Variants in CDC123 observed in about 807,000 individuals in gnomAD.
CDC123 encodes translation initiation factor eIF2 assembly protein.
CDC123 carries 37 observed loss-of-function variants against 54.4 expected under a neutral mutation model. The ratio of observed to expected loss-of-function variants is 0.68; its 90% CI spans 0.52 to 0.89. CDC123 has a LOEUF of 0.89. Ranked by LOEUF, CDC123 falls within the 40% of genes least tolerant of loss-of-function variation. The pLI is 0.00. For missense variants in CDC123, 361 were observed against 412.1 expected, an observed-to-expected ratio of 0.88 and a Z score of 1.07; for synonymous variants, 144 against 136.8, an observed-to-expected ratio of 1.05 and a Z score of -0.37.
At position 12,200,190 on chromosome 10, in the gene CDC123, A is replaced by C. The variant is rs1485450696; in HGVS notation, c.146+1414A>C. ...CAGCCAGGCTGGAGTGCAGTGGCTC[A>C]ATCTCAGCTCACTGCAATCTCTGCC... On this transcript the variant is annotated intron_variant, in intron 2 of 12. Coordinates refer to ENST00000281141, the MANE Select transcript of CDC123 (RefSeq NM_006023.3). 3.0e-5 allele frequency among the ~76,000 whole-genome samples: 4 copies of C among 132,164 alleles called. No homozygotes were observed. The East Asian group carries it at 1.0e-3, about 34-fold the overall frequency. 86.7% of individuals were successfully genotyped at this position (132,164 alleles called of 152,430 possible). A position where few individuals can be genotyped will look rare whatever the true frequency, so the allele number is the denominator to read the frequency against.
intron 6 of CDC123, among the ~76,000 whole-genome samples, chr10:12,218,347 C>G (rs1016847796): frequency 3.4e-5 from 5 of 146,464 alleles, no homozygotes; most frequent in African/African-American, 7.6e-5. Flanking sequence ...TCAAGCGATT[C>G]TCTTGCCTCA....
At chr10:12,242,188 G>A (rs1232215115) in intron 10 of CDC123, among the ~76,000 whole-genome samples, 9 of 152,170 alleles carry the variant, frequency 5.9e-5, no homozygotes, top group African/African-American at 1.4e-4. Context: ...CGTGAGAGCC[G>A]TCGTTCTTGT....
rs548313141 is a variant in CDC123 at position 12,215,790 on chromosome 10, C to T, written c.288C>T (p.Ser96=). 1 of 1,612,566 alleles carries T rather than the reference C, an allele frequency of 6.2e-7. No homozygotes were observed. Among genetic ancestry groups the T allele is most frequent in the African/African-American group, 1.3e-5 (1 of 74,930 alleles). Residue 96 remains serine, a synonymous_variant, in exon 5 of 13, where the codon TCC becomes TCT. Transcript: ENST00000281141. ...CTAAAGTCCAGGAAGCTATCAATTCCCTCGGGGGCAGTGTCTTTCCTAAGC... is the reference window on the plus strand; with the variant it reads ...CTAAAGTCCAGGAAGCTATCAATTCTCTCGGGGGCAGTGTCTTTCCTAAGC... ...FATKVQEAIN[S]LGGSVFPKLN...
At chr10:12,245,177 G>A (rs1419452995) in intron 10 of CDC123, 1 of 152,254 alleles carries the variant, frequency 6.6e-6, no homozygotes, top group African/African-American at 2.4e-5. Context: ...GAGCACTGAA[G>A]GCTCCGGGAA....
intron 11 of CDC123, among the ~76,000 whole-genome samples, chr10:12,248,655 A>C (rs1054511568): frequency 2.6e-5 from 4 of 151,532 alleles, no homozygotes; most frequent in Non-Finnish European, 5.9e-5. Context: ...AAAGTAAAAA[A>C]ATTAGCCAGG....
chr10:12,245,614 A>C (rs1018061617), intron 10 of CDC123: 4 of 152,066 alleles, frequency 2.6e-5, no homozygotes, highest in African/African-American at 9.7e-5. Flanking sequence ...TTGGAACGTT[A>C]TCTCTTAGGC....
chr10:12,249,371 G>A (rs1836207015), intron 11 of CDC123, among the ~76,000 whole-genome samples: 1 of 152,130 alleles, frequency 6.6e-6, no homozygotes, highest in African/African-American at 2.4e-5. Flanking sequence ...CCAGGAGGTC[G>A]AGGCTGCAGT....
At chr10:12,227,202 G>A (rs917459001) in intron 6 of CDC123, among the ~76,000 whole-genome samples, 19 of 151,614 alleles carry the variant, frequency 1.3e-4, no homozygotes, top group Admixed American at 1.1e-3. Context: ...CCGAGATGGC[G>A]GCACTACAGT....
chr10:12,209,662 G>A (rs1256182691), intron 2 of CDC123, among the ~76,000 whole-genome samples: 2 of 152,152 alleles, frequency 1.3e-5, no homozygotes, highest in Admixed American at 1.3e-4. Flanking sequence ...CCATGTTCAA[G>A]TGATCAGTCC....
rs1836214331 is a variant in CDC123, at chr10:12,249,672, T to G, written c.938T>G (p.Leu313Arg). ...CGGCTACCCAAGGACTTTGTAGACCTCTCTACTGGGGAGGACGCTCACAAG... is the reference window on the plus strand; with the variant it reads ...CGGCTACCCAAGGACTTTGTAGACCGCTCTACTGGGGAGGACGCTCACAAG... Reference protein sequence around the residue: ...SYRLPKDFVDLSTGEDAHKLI... With the variant: ...SYRLPKDFVDRSTGEDAHKLI... The change falls in exon 12 of 13, where the codon CTC becomes CGC. Residue 313 changes from leucine to arginine, a missense_variant. Leu to Arg is a moderately radical substitution (Grantham distance 102). Coordinates refer to ENST00000281141, the MANE Select transcript of CDC123 (RefSeq NM_006023.3). 6.2e-7 allele frequency: 1 copy of G among 1,614,046 alleles called. No individual in the cohort carries two copies. The highest frequency in any genetic ancestry group is 8.5e-7 in the Non-Finnish European group (1 of 1,180,040).
rs1203116629 is a variant in CDC123, at chr10:12,246,248, G to A, written c.817G>A (p.Asp273Asn). ...ELISENNLNG[D>N]FSEVDAQEQD... ...GATATCTGAGAACAACTTAAACGGC[G>A]ATTTTAGTGAAGTTGACGCTCAAGA... The change falls in exon 11 of 13, where the codon GAT becomes AAT. Residue 273 changes from aspartate (D) to asparagine (N), a missense_variant. Physicochemically the swap from Asp to Asn is conservative, Grantham distance 23. Coordinates refer to ENST00000281141, the MANE Select transcript of CDC123 (RefSeq NM_006023.3). 9 of 1,614,010 alleles carry A rather than the reference G, an allele frequency of 5.6e-6. No individual in the cohort carries two copies. In the African/African-American group the frequency reaches 6.7e-5, roughly 12 times the overall value.
rs763125813 is a variant in CDC123, at chr10:12,215,793, C to G, written c.291C>G (p.Leu97=). 1 of 1,612,594 alleles carries G rather than the reference C, an allele frequency of 6.2e-7. No individual in the cohort carries two copies. The highest frequency in any genetic ancestry group is 1.7e-5 in the Admixed American group (1 of 59,688). The change falls in exon 5 of 13, where the codon CTC becomes CTG. Residue 97 remains leucine (L), a synonymous_variant. Coordinates refer to ENST00000281141, the MANE Select transcript of CDC123 (RefSeq NM_006023.3). ...AAGTCCAGGAAGCTATCAATTCCCT[C>G]GGGGGCAGTGTCTTTCCTAAGCTTA... ...ATKVQEAINS[L]GGSVFPKLNW...
At chr10:12,207,247 T>A (rs915116222) in intron 2 of CDC123, among the ~76,000 whole-genome samples, 1 of 152,102 alleles carries the variant, frequency 6.6e-6, no homozygotes, top group Middle Eastern at 3.2e-3. Context: ...TTCTACTTTG[T>A]AGGTAATTAT....
At chr10:12,197,892 T>C (rs1212723770) in intron 1 of CDC123, among the ~76,000 whole-genome samples, 2 of 152,154 alleles carry the variant, frequency 1.3e-5, no homozygotes, top group African/African-American at 2.4e-5. Flanking sequence ...AAAAAAAACT[T>C]CTTCCATAAA....
intron 1 of CDC123, 63 bp downstream of exon 1, chr10:12,196,382 CT>C (rs1290896777): frequency 6.2e-7 from 1 of 1,607,886 alleles, no homozygotes; most frequent in East Asian, 2.2e-5. Flanking sequence ...CTGAGCGAAT[CT>C]TACTGCTATC....
At chr10:12,198,566 C>T (rs745557481) in intron 1 of CDC123, 139 bp from the exon 2 acceptor site, 57 of 638,156 alleles carry the variant, frequency 8.9e-5, no homozygotes, top group Admixed American at 7.5e-4. Flanking sequence ...TTGTCTACTG[C>T]TACCAAATGT....
At chr10:12,226,392 G>A (rs904868088) in intron 6 of CDC123, among the ~76,000 whole-genome samples, 2 of 151,456 alleles carry the variant, frequency 1.3e-5, no homozygotes, top group Middle Eastern at 3.4e-3. Flanking sequence ...GCGGCTGGCC[G>A]GGTGGGGGCT....
At chr10:12,249,817 C>G in intron 12 of CDC123, 99 bp downstream of exon 12, 1 of 1,436,620 alleles carries the variant, frequency 7.0e-7, no homozygotes, top group Non-Finnish European at 9.2e-7. Flanking sequence ...ATCACCTAGA[C>G]TTTGATGGTT....
At chr10:12,248,812 A>G (rs968365740) in intron 11 of CDC123, among the ~76,000 whole-genome samples, 1 of 151,086 alleles carries the variant, frequency 6.6e-6, no homozygotes, top group African/African-American at 2.4e-5. Flanking sequence ...TCTAAAAAAA[A>G]AAAATTAGTT....
Sources: gnomAD v4.1 joint callset for allele counts (sites outside exome capture counted in the v4.1 genomes callset) on GRCh38, gnomAD v4.1.1 for gene constraint, MANE v1.5 for transcripts, NCBI Gene and HGNC (gene_info 2026-07-23, HGNC 2026-07-21) for gene names.